C20orf96: variants seen among roughly 807,000 people sequenced by gnomAD.
C20orf96 encodes chromosome 20 open reading frame 96, also known as uncharacterized protein C20orf96.
In C20orf96, 57 loss-of-function variants were observed where a neutral mutation model predicts 52.6. The observed-to-expected ratio is 1.08, with a 90% CI of 0.88 to 1.35. The LOEUF (loss-of-function observed/expected upper bound fraction) is 1.35, where lower values mean the gene tolerates loss of function less well. C20orf96 is among the 40% of genes most tolerant of loss of function. C20orf96 has a pLI of 0.00. For missense variants in C20orf96, 478 were observed against 443.6 expected (o/e 1.08, Z -0.70); for synonymous variants, 168 against 157.2 (o/e 1.07, Z -0.51).
chr20:283,268 C>T (rs1278486331), intron 4 of C20orf96, among the ~76,000 whole-genome samples: 3 of 152,044 alleles, frequency 2.0e-5, no homozygotes, highest in Non-Finnish European at 4.4e-5. Context: ...GTTTCTAAGG[C>T]TTGCTTCAAA....
chr20:290,739 C>G lies in C20orf96; in HGVS notation c.-129G>C, dbSNP rs113908600. The G allele has an allele frequency of 4.4e-6, 5 of 1,129,766 alleles. No homozygotes were observed. The African/African-American group carries it at 6.4e-5, about 14-fold the overall frequency. The allele number at this position is 1,129,766 out of a possible 1,614,324, so 70.0% of individuals were successfully genotyped here. A position where few individuals can be genotyped will look rare whatever the true frequency, so the allele number is the denominator to read the frequency against. On this transcript the variant is annotated 5_prime_UTR_variant, in exon 1 of 11. Coordinates refer to ENST00000360321, the MANE Select transcript of C20orf96 (RefSeq NM_153269.3). ...CCCAGGCCACTCAGAAGTCCCGAGA[C>G]CCGATGCTTTCGCCAGCGTCTCGGT...
rs561742986 is a variant in C20orf96, at chr20:275,310, T to C, written c.1031+658A>G. Among the ~76,000 whole-genome samples the C allele has an allele frequency of 2.0e-5, 3 of 152,054 alleles. No individual in the cohort carries two copies. The East Asian group carries it at 5.8e-4, about 29-fold the overall frequency. ...GGCACTTCATAAATCCAATAGTATT[T>C]TGTTTTGGGGGCGGGGGGCGGTTTA... is the stretch of plus-strand genomic sequence containing the variant. On this transcript the variant is annotated intron_variant, in intron 10 of 10. Transcript: ENST00000360321.
At chr20:274,876 G>C (rs1404793211) in intron 10 of C20orf96, among the ~76,000 whole-genome samples, 1 of 151,876 alleles carries the variant, frequency 6.6e-6, no homozygotes, top group African/African-American at 2.4e-5. Flanking sequence ...CTGGAATGCA[G>C]TGGCACAATC....
At chr20:289,734 T>C in intron 2 of C20orf96, 58 bp from the exon 3 acceptor site, 1 of 1,389,668 alleles carries the variant, frequency 7.2e-7, no homozygotes, top group South Asian at 1.2e-5. Flanking sequence ...GCTCTACCCT[T>C]TTCAGATATC....
rs781654102 is a variant in C20orf96 at position 277,071 on chromosome 20, C to A, written c.798G>T (p.Lys266Asn). 1 of 1,613,114 alleles carries A rather than the reference C, an allele frequency of 6.2e-7. No homozygotes were observed. The highest frequency in any genetic ancestry group is 8.5e-7 in the Non-Finnish European group (1 of 1,179,440). The change falls in exon 8 of 11, where the codon AAG becomes AAT. Residue 266 changes from lysine to asparagine, a missense_variant. Physicochemically the swap from Lys to Asn is moderately conservative, Grantham distance 94. Transcript: ENST00000360321. The stretch of plus-strand genomic sequence containing the variant: ...CCACCACAGAACTCAGAATTTTTTT[C>A]TTCTTCTTCTGAATCTTGTCAGACA... Reference protein sequence around the residue: ...ESLSDKIQKKKKKILSSVVAE... With the variant: ...ESLSDKIQKKNKKILSSVVAE...
chr20:284,434 C>G (rs186539100), intron 3 of C20orf96, among the ~76,000 whole-genome samples: 3 of 152,222 alleles, frequency 2.0e-5, no homozygotes, highest in Non-Finnish European at 4.4e-5. Context: ...CAGCACAGGA[C>G]AGCAGAAAGA....
intron 10 of C20orf96, among the ~76,000 whole-genome samples, chr20:271,966 C>G (rs2011854796): frequency 6.6e-6 from 1 of 152,144 alleles, no homozygotes; most frequent in Non-Finnish European, 1.5e-5. Context: ...CTGTTTCACT[C>G]TCTTTTCTCT....
chr20:280,887 A>G (rs1423582129), intron 4 of C20orf96, among the ~76,000 whole-genome samples: 1 of 152,094 alleles, frequency 6.6e-6, no homozygotes, highest in Admixed American at 6.6e-5. Context: ...AGGTGCGGTG[A>G]CTCACGCCTG....
intron 4 of C20orf96, 122 bp downstream of exon 4, chr20:283,841 A>G: frequency 1.4e-6 from 1 of 718,566 alleles, no homozygotes; most frequent in South Asian, 1.6e-5. Context: ...GTGCTCACAC[A>G]GTTCCTGTGA....
At position 290,712 on chromosome 20, in the gene C20orf96, A is replaced by T. The variant is rs1169686973; in HGVS notation, c.-102T>A. 129 of 1,363,260 alleles carry T rather than the reference A, an allele frequency of 9.5e-5. No individual in the cohort carries two copies. The highest frequency in any genetic ancestry group is 1.2e-4 in the Non-Finnish European group (125 of 1,007,578). The allele number at this position is 1,363,260 out of a possible 1,614,324, so 84.4% of individuals were successfully genotyped here. ...CTTGTCTCAGTGTAGATCGCGCGGTAACCCAGGCCACTCAGAAGTCCCGAG... is the reference window on the plus strand; with the variant it reads ...CTTGTCTCAGTGTAGATCGCGCGGTTACCCAGGCCACTCAGAAGTCCCGAG... On this transcript the variant is annotated 5_prime_UTR_variant, in exon 1 of 11. Transcript: ENST00000360321.
intron 2 of C20orf96, among the ~76,000 whole-genome samples, chr20:290,044 C>T (rs1305662583): frequency 1.3e-5 from 2 of 152,176 alleles, no homozygotes; most frequent in African/African-American, 4.8e-5. Flanking sequence ...AAGAGAGCAG[C>T]ATAATATACC....
Position 271,054 on chromosome 20 carries a change from GGAGGGAGGGAAAGAAA to G in C20orf96, c.*137_*152del. The G allele has an allele frequency of 1.7e-6, 1 of 600,084 alleles. No homozygotes were observed. Among genetic ancestry groups the G allele is most frequent in the East Asian group, 3.3e-5 (1 of 30,212 alleles). 37.2% of individuals were successfully genotyped at this position (600,084 alleles called of 1,614,324 possible). Reference sequence around the variant, plus strand: ...GGGAAGGGGGGAAGAAGGGAGGGAGGGAGGGAGGGAAAGAAAGAGGGAGGAAGGGCAGAGGGAGCAG... The same window carrying G: ...GGGAAGGGGGGAAGAAGGGAGGGAGGGAGGGAGGAAGGGCAGAGGGAGCAG... On this transcript the variant is annotated 3_prime_UTR_variant, in exon 11 of 11. Transcript: ENST00000360321.
At chr20:279,562 T>C (rs927666875) in intron 4 of C20orf96, among the ~76,000 whole-genome samples, 1 of 152,136 alleles carries the variant, frequency 6.6e-6, no homozygotes, top group African/African-American at 2.4e-5. Flanking sequence ...ATCCCTGAGG[T>C]GCGGGTGCAT....
Position 283,985 on chromosome 20 carries a change from T to C in C20orf96, c.284A>G (p.His95Arg), listed in dbSNP as rs762536700. Residue 95 changes from histidine (H) to arginine (R), a missense_variant, in exon 4 of 11, where the codon CAT becomes CGT. His to Arg is a conservative substitution (Grantham distance 29). Transcript: ENST00000360321. ...TACCTTCATTAACCAGATTTTGGCA[T>C]GCATCTTCCCAGGGTCCAACTTCCG... ...RRRKLDPGKM[H>R]AKIWLMKTSL... 2 of 1,613,820 alleles carry C rather than the reference T, an allele frequency of 1.2e-6. No individual in the cohort carries two copies. Among genetic ancestry groups the C allele is most frequent in the African/African-American group, 1.3e-5 (1 of 74,922 alleles).
At chr20:277,500 G>A (rs1000052997) in intron 6 of C20orf96, 117 bp from the exon 7 acceptor site, 12 of 1,010,524 alleles carry the variant, frequency 1.2e-5, no homozygotes, top group Non-Finnish European at 1.5e-5. Flanking sequence ...GGTCTGGGCT[G>A]AGGTGAGCTC....
chr20:284,177 G>C, intron 3 of C20orf96, 96 bp from the exon 4 acceptor site: 1 of 849,784 alleles, frequency 1.2e-6, no homozygotes. Context: ...AGGAGGGCCA[G>C]ACCCCAGCTC....
chr20:273,838 G>C (rs1420254639), intron 10 of C20orf96, among the ~76,000 whole-genome samples: 2 of 144,746 alleles, frequency 1.4e-5, no homozygotes, highest in Admixed American at 7.2e-5. Context: ...GATGGTGCCA[G>C]TGCACTCCAG....
intron 4 of C20orf96, among the ~76,000 whole-genome samples, chr20:282,429 ATT>A (rs1346193741): frequency 6.6e-6 from 1 of 152,170 alleles, no homozygotes; most frequent in African/African-American, 2.4e-5. Flanking sequence ...CTCAATCAAT[ATT>A]TGTTGATTCA....
intron 10 of C20orf96, 94 bp from the exon 11 acceptor site, chr20:271,361 C>T (rs895641090): frequency 9.6e-6 from 10 of 1,038,896 alleles, no homozygotes; most frequent in Non-Finnish European, 1.2e-5. Flanking sequence ...AACTCTGGTA[C>T]GTACTTGGGT....
Sources: gnomAD v4.1 joint callset for allele counts (sites outside exome capture counted in the v4.1 genomes callset) on GRCh38, gnomAD v4.1.1 for gene constraint, MANE v1.5 for transcripts, NCBI Gene and HGNC (gene_info 2026-07-23, HGNC 2026-07-21) for gene names.